The following SLC7A9 variants were observed in gnomAD, a reference collection of about 807,000 sequenced individuals.
SLC7A9 encodes B(0,+)-type amino acid transporter 1.
In SLC7A9, 38 loss-of-function variants were observed where a neutral mutation model predicts 54.1. That is an observed-to-expected ratio of 0.70 (90% confidence interval 0.54 to 0.92). SLC7A9 has a LOEUF of 0.92. Ranked by LOEUF, SLC7A9 falls within the 40% of genes least tolerant of loss-of-function variation. The pLI is 0.00. For missense variants in SLC7A9, 537 were observed against 636.1 expected, an observed-to-expected ratio of 0.84 and a Z score of 1.68; for synonymous variants, 264 against 258.9, an observed-to-expected ratio of 1.02 and a Z score of -0.19.
chr19:32,866,938 G>A (rs7257884), intron 2 of SLC7A9, among the ~76,000 whole-genome samples: 9 of 151,934 alleles, frequency 5.9e-5, no homozygotes, highest in Non-Finnish European at 1.0e-4. Flanking sequence ...CCCTCCCTGC[G>A]CCTCCATGCT....
chr19:32,839,462 A>G (rs1261680007), intron 11 of SLC7A9, among the ~76,000 whole-genome samples: 3 of 151,606 alleles, frequency 2.0e-5, no homozygotes, highest in Non-Finnish European at 4.4e-5. Context: ...CTGACACAGG[A>G]GAATTGCTTG....
chr19:32,864,653 C>T lies in SLC7A9; in HGVS notation c.211G>A (p.Ala71Thr), dbSNP rs1043451146. Residue 71 changes from alanine to threonine, a missense_variant, in exon 3 of 13, where the codon GCT (alanine) becomes ACT (threonine). Physicochemically the swap from Ala to Thr is moderately conservative, Grantham distance 58. Transcript: ENST00000023064. ...CCCAGCGTCGCGAGGACCCCGCAAG[C>T]CGCCCATATGATGAGGCAGGGCCCC... ...AVGPCLIIWA[A>T]CGVLATLGAL... 3.7e-6 allele frequency: 6 copies of T among 1,613,914 alleles called. No homozygotes were observed. Among genetic ancestry groups the T allele is most frequent in the Non-Finnish European group, 5.1e-6 (6 of 1,180,050 alleles).
intron 1 of SLC7A9, 148 bp from the exon 2 acceptor site, chr19:32,868,793 T>G: frequency 3.5e-6 from 2 of 565,416 alleles, no homozygotes; most frequent in South Asian, 3.8e-5. Context: ...AAAGCTCAGC[T>G]GCTTGCTTAG....
intron 4 of SLC7A9, among the ~76,000 whole-genome samples, chr19:32,863,382 C>G (rs1308172927): frequency 1.3e-5 from 2 of 151,780 alleles, no homozygotes; most frequent in Non-Finnish European, 2.9e-5. Flanking sequence ...CCACCTTGGT[C>G]TCCCAAAGTG....
At chr19:32,867,411 G>C (rs2145851359) in intron 2 of SLC7A9, among the ~76,000 whole-genome samples, 1 of 152,310 alleles carries the variant, frequency 6.6e-6, no homozygotes. Context: ...CAGCTACTCA[G>C]GAGGCTGAGG....
chr19:32,835,889 CTGTGTGTGTGTGTGTGTGTGTATGTGTG>C (rs535662350), intron 11 of SLC7A9, among the ~76,000 whole-genome samples: 3 of 140,774 alleles, frequency 2.1e-5, no homozygotes, highest in Admixed American at 7.3e-5. Context: ...AATTTATGTA[CTGTGTGTGTGTGTGTGTGTGTATGTGTG>C]TGTGTGTGTG....
intron 9 of SLC7A9, among the ~76,000 whole-genome samples, chr19:32,846,692 G>A (rs1968306769): frequency 6.6e-6 from 1 of 152,234 alleles, no homozygotes; most frequent in Non-Finnish European, 1.5e-5. Context: ...GCACACAGCT[G>A]GAGATCTGAG....
At chr19:32,838,526 G>A (rs895555375) in intron 11 of SLC7A9, among the ~76,000 whole-genome samples, 1 of 141,520 alleles carries the variant, frequency 7.1e-6, no homozygotes, top group African/African-American at 2.5e-5. Flanking sequence ...TATATTTAAT[G>A]CTATATATAT....
chr19:32,862,395 G>A (rs1829788815), intron 5 of SLC7A9, 66 bp downstream of exon 5: 3 of 1,602,580 alleles, frequency 1.9e-6, no homozygotes, highest in South Asian at 2.2e-5. Flanking sequence ...GGGCAAGGCT[G>A]CTCCTGCTCC....
rs2287878 is a variant in SLC7A9, at chr19:32,860,789, T to C, written c.705-139A>G. ...TCCTGCAGGAATTCCAGGTGAATTT[T>C]TTTCCAGGTGAATGGCCCTGCTAGT... is the stretch of plus-strand genomic sequence containing the variant. On this transcript the variant is annotated intron_variant, in intron 6 of 12. Transcript: ENST00000023064. 465,344 of 1,218,230 alleles carry C rather than the reference T, an allele frequency of 0.38. 90,835 individuals carry two copies. Among genetic ancestry groups the C allele is most frequent in the Middle Eastern group, 0.47 (2,037 of 4,352 alleles). The allele number at this position is 1,218,230 out of a possible 1,614,324, so 75.5% of individuals were successfully genotyped here.
intron 3 of SLC7A9, 58 bp downstream of exon 3, chr19:32,864,571 C>T (rs1042242453): frequency 2.6e-5 from 41 of 1,602,634 alleles, no homozygotes; most frequent in Non-Finnish European, 3.5e-5. Flanking sequence ...CAGGTAGCAG[C>T]TGCCTGGCGT....
chr19:32,843,596 A>G (rs544909100), intron 10 of SLC7A9, among the ~76,000 whole-genome samples: 1 of 152,268 alleles, frequency 6.6e-6, no homozygotes, highest in East Asian at 1.9e-4. Flanking sequence ...GTGGGCTTTT[A>G]TATAGAGTTT....
chr19:32,854,459 G>A (rs1968559920), intron 9 of SLC7A9, among the ~76,000 whole-genome samples: 1 of 152,136 alleles, frequency 6.6e-6, no homozygotes, highest in Non-Finnish European at 1.5e-5. Flanking sequence ...AAAGCTGCCA[G>A]AATGAAATTG....
At chr19:32,860,514 A>G in intron 7 of SLC7A9, 92 bp downstream of exon 7, 1 of 1,601,160 alleles carries the variant, frequency 6.2e-7, no homozygotes, top group African/African-American at 1.3e-5. Context: ...GAAGGGCATC[A>G]TGGAATACCC....
At chr19:32,865,183 G>A (rs1177469235) in intron 2 of SLC7A9, among the ~76,000 whole-genome samples, 3 of 152,186 alleles carry the variant, frequency 2.0e-5, no homozygotes, top group South Asian at 2.1e-4. Flanking sequence ...CTCGGGATAC[G>A]CCTCTGAGCC....
At chr19:32,849,057 C>T (rs1166058562) in intron 9 of SLC7A9, among the ~76,000 whole-genome samples, 6 of 151,834 alleles carry the variant, frequency 4.0e-5, no homozygotes, top group African/African-American at 1.5e-4. Flanking sequence ...AAATTTATAG[C>T]ACTAAATGCC....
At chr19:32,868,999 A>G (rs1158917772) in intron 1 of SLC7A9, among the ~76,000 whole-genome samples, 3 of 151,248 alleles carry the variant, frequency 2.0e-5, no homozygotes, top group Non-Finnish European at 2.9e-5. Context: ...ACTTGAGCCC[A>G]GGAGTTTGAG....
chr19:32,831,525 GTGATCTGCCC>G (rs1967793926), intron 12 of SLC7A9, among the ~76,000 whole-genome samples: 1 of 151,998 alleles, frequency 6.6e-6, no homozygotes, highest in Admixed American at 6.5e-5. Context: ...TCCTGACCTC[GTGATCTGCCC>G]CCTCAGCCTC....
chr19:32,836,809 T>TA (rs2145799908), intron 11 of SLC7A9, among the ~76,000 whole-genome samples: 1 of 152,332 alleles, frequency 6.6e-6, no homozygotes, highest in East Asian at 1.9e-4. Context: ...TTTCAAAACT[T>TA]ACCTCTTCAT....
Sources: allele counts gnomAD v4.1 joint callset (sites outside exome capture counted in the v4.1 genomes callset), GRCh38; gene constraint gnomAD v4.1.1; transcripts MANE v1.5; gene names NCBI Gene and HGNC (gene_info 2026-07-23, HGNC 2026-07-21).